Variants in SNTG2 observed in about 807,000 individuals in gnomAD.
The protein encoded by SNTG2 is syntrophin gamma 2, also known as gamma-2-syntrophin.
SNTG2 carries 74 observed loss-of-function variants against 70.9 expected under a neutral mutation model. The ratio of observed to expected loss-of-function variants is 1.04; its 90% CI spans 0.86 to 1.27. The LOEUF (loss-of-function observed/expected upper bound fraction) is 1.27, where lower values mean the gene tolerates loss of function less well. Among genes scored for constraint, SNTG2 ranks in the 50% most tolerant of loss-of-function variants. The pLI is 0.00. For synonymous variants in SNTG2, 278 were observed against 273.8 expected, an observed-to-expected ratio of 1.02 and a Z score of -0.15; for missense variants, 717 against 690.7, an observed-to-expected ratio of 1.04 and a Z score of -0.43.
chr2:1,261,831 A>T (rs1006468751), intron 13 of SNTG2, among the ~76,000 whole-genome samples: 8 of 152,140 alleles, frequency 5.3e-5, no homozygotes, highest in African/African-American at 1.9e-4. Flanking sequence ...AGAACTCAGA[A>T]GCAGGGAAGT....
chr2:1,009,508 C>G (rs1219268429), intron 1 of SNTG2, among the ~76,000 whole-genome samples: 1 of 123,912 alleles, frequency 8.1e-6, no homozygotes, highest in African/African-American at 3.2e-5. Flanking sequence ...ACTGGTGGGT[C>G]GTGTGTATGG....
intron 1 of SNTG2, among the ~76,000 whole-genome samples, chr2:998,401 A>G (rs2147985235): frequency 6.6e-6 from 1 of 152,178 alleles, no homozygotes; most frequent in Non-Finnish European, 1.5e-5. Context: ...AAGAAATCGG[A>G]AAAAAATCAA....
In SNTG2 at chr2:1,161,829, G is replaced by C. The variant is rs535601805; in HGVS notation, c.412-3719G>C. Reference sequence around the variant, plus strand: ...GTGGCTCACGCCTGTAATCCCAGCAGTTTGGGAGGCCGAGGCGGGCGGATC... The same window carrying C: ...GTGGCTCACGCCTGTAATCCCAGCACTTTGGGAGGCCGAGGCGGGCGGATC... On this transcript the variant is annotated intron_variant, in intron 6 of 16. Coordinates refer to ENST00000308624, the MANE Select transcript of SNTG2 (RefSeq NM_018968.4). 1.5e-3 allele frequency among the ~76,000 whole-genome samples: 226 copies of C among 152,130 alleles called. 1 individual carries two copies. The highest frequency in any genetic ancestry group is 0.012 in the South Asian group (60 of 4,816).
intron 1 of SNTG2, among the ~76,000 whole-genome samples, chr2:991,613 C>T (rs576005530): frequency 2.6e-5 from 4 of 152,236 alleles, no homozygotes; most frequent in Non-Finnish European, 4.4e-5. Flanking sequence ...CCCAGGGCAT[C>T]GGCCCTAGAT....
intron 6 of SNTG2, among the ~76,000 whole-genome samples, chr2:1,157,852 G>A (rs1670005825): frequency 6.6e-6 from 1 of 152,172 alleles, no homozygotes; most frequent in South Asian, 2.1e-4. Flanking sequence ...TGCTCTGGGA[G>A]GTTTTGGAAG....
intron 1 of SNTG2, among the ~76,000 whole-genome samples, chr2:961,488 G>A (rs79339665): frequency 0.019 from 2,855 of 152,246 alleles, 84 homozygotes; most frequent in African/African-American, 0.065. Flanking sequence ...AACACACCAC[G>A]GTGTGCCCAG....
intron 16 of SNTG2, among the ~76,000 whole-genome samples, chr2:1,361,126 T>G (rs1360291879): frequency 6.6e-6 from 1 of 152,232 alleles, no homozygotes; most frequent in African/African-American, 2.4e-5. Context: ...CTTCTGTGCT[T>G]CAGCCACTGG....
At chr2:1,115,900 C>T (rs1411083264) in intron 4 of SNTG2, among the ~76,000 whole-genome samples, 1 of 152,222 alleles carries the variant, frequency 6.6e-6, no homozygotes, top group Non-Finnish European at 1.5e-5. Flanking sequence ...GGTCAATGTT[C>T]AAGCCCCATT....
At chr2:1,236,052 C>G (rs987897206) in intron 9 of SNTG2, among the ~76,000 whole-genome samples, 5 of 152,192 alleles carry the variant, frequency 3.3e-5, no homozygotes, top group Admixed American at 1.3e-4. Flanking sequence ...CCGCAATAAT[C>G]TACTTGACCC....
chr2:1,026,184 C>T lies in SNTG2; in HGVS notation c.73-57334C>T, dbSNP rs61175032. Reference sequence around the variant, plus strand: ...AAAGTTTGTTGTTGTTGTTGATTTTCCCAGTGCTCCAACACCAGATGCAGA... The same window carrying T: ...AAAGTTTGTTGTTGTTGTTGATTTTTCCAGTGCTCCAACACCAGATGCAGA... On this transcript the variant is annotated intron_variant, in intron 1 of 16. Coordinates refer to ENST00000308624, the MANE Select transcript of SNTG2 (RefSeq NM_018968.4). Among the ~76,000 whole-genome samples the T allele has an allele frequency of 2.0e-3, 301 of 152,258 alleles. 9 individuals are homozygous for T. The East Asian group carries it at 0.055, about 28-fold the overall frequency.
chr2:1,347,260 G>A (rs1279802928), intron 16 of SNTG2, among the ~76,000 whole-genome samples: 3 of 152,282 alleles, frequency 2.0e-5, no homozygotes, highest in South Asian at 4.1e-4. Context: ...TGAGTAAGAA[G>A]ATCAAAACTT....
chr2:1,025,214 C>G (rs1660408630), intron 1 of SNTG2, among the ~76,000 whole-genome samples: 1 of 152,094 alleles, frequency 6.6e-6, no homozygotes, highest in African/African-American at 2.4e-5. Flanking sequence ...AGCATGCCAT[C>G]CCAGCTGGGA....
rs1311797409 is a variant in SNTG2, at chr2:1,015,608, T to C, written c.72+64540T>C. ...GGATGATGTCCAAGTTCACTTGTGA[T>C]TGGAGAAATATAAATTTCCATCAAT... On this transcript the variant is annotated intron_variant, in intron 1 of 16. Transcript: ENST00000308624. 4.6e-5 allele frequency among the ~76,000 whole-genome samples: 7 copies of C among 152,244 alleles called. No homozygotes were observed. The East Asian group carries it at 9.6e-4, about 21-fold the overall frequency.
At chr2:1,169,468 T>C (rs1670977313) in intron 7 of SNTG2, among the ~76,000 whole-genome samples, 1 of 152,128 alleles carries the variant, frequency 6.6e-6, no homozygotes, top group Non-Finnish European at 1.5e-5. Flanking sequence ...CAACACCAGA[T>C]GGCAGAGGAA....
chr2:962,017 G>A lies in SNTG2; in HGVS notation c.72+10949G>A, dbSNP rs184449059. On this transcript the variant is annotated intron_variant, in intron 1 of 16. Coordinates refer to ENST00000308624, the MANE Select transcript of SNTG2 (RefSeq NM_018968.4). ...AATTTCAGTTGAGAAAGATGGAGTTGTACCATTCAATCTAGACTTCATTGG... is the reference window on the plus strand; with the variant it reads ...AATTTCAGTTGAGAAAGATGGAGTTATACCATTCAATCTAGACTTCATTGG... Among the ~76,000 whole-genome samples, 186 of 152,362 alleles carry A rather than the reference G, an allele frequency of 1.2e-3. 1 individual carries two copies. The highest frequency in any genetic ancestry group is 4.1e-3 in the African/African-American group (172 of 41,586).
intron 14 of SNTG2, among the ~76,000 whole-genome samples, chr2:1,275,264 T>C (rs973766140): frequency 1.3e-5 from 2 of 152,228 alleles, no homozygotes; most frequent in East Asian, 3.9e-4. Context: ...GCTTGTTTTA[T>C]TGTGCTTTGC....
rs138011144 is a variant in SNTG2, at chr2:1,249,089, G to A, written c.1005+1646G>A. Reference sequence around the variant, plus strand: ...AGTGTCCCTGGAATTGCTAACGTGCGTAAACTCCTTTGTAGCTTGTAGTGC... The same window carrying A: ...AGTGTCCCTGGAATTGCTAACGTGCATAAACTCCTTTGTAGCTTGTAGTGC... On this transcript the variant is annotated intron_variant, in intron 12 of 16. Transcript: ENST00000308624. Among the ~76,000 whole-genome samples the A allele has an allele frequency of 2.7e-3, 404 of 152,256 alleles. 6 individuals are homozygous for A. Among genetic ancestry groups the A allele is most frequent in the African/African-American group, 8.9e-3 (369 of 41,554 alleles).
intron 14 of SNTG2, among the ~76,000 whole-genome samples, chr2:1,274,665 A>G (rs558873727): frequency 1.1e-4 from 17 of 152,180 alleles, no homozygotes; most frequent in African/African-American, 3.9e-4. Context: ...ATTTTGTTCT[A>G]AGAACTCACC....
intron 4 of SNTG2, among the ~76,000 whole-genome samples, chr2:1,137,267 C>T (rs551467022): frequency 2.5e-4 from 38 of 152,176 alleles, no homozygotes; most frequent in African/African-American, 6.3e-4. Context: ...CCGTGCATGC[C>T]GCCCACACCC....
Sources: allele counts gnomAD v4.1 joint callset (sites outside exome capture counted in the v4.1 genomes callset), GRCh38; gene constraint gnomAD v4.1.1; transcripts MANE v1.5; gene names NCBI Gene and HGNC (gene_info 2026-07-23, HGNC 2026-07-21).